C4orf36: variants seen among roughly 807,000 people sequenced by gnomAD.
The protein encoded by C4orf36 is uncharacterized protein C4orf36.
In C4orf36, 11 loss-of-function variants were observed where a neutral mutation model predicts 12.2. The observed-to-expected ratio is 0.90, with a 90% confidence interval of 0.57 to 1.49. C4orf36 has a LOEUF of 1.49. C4orf36 is among the 40% of genes most tolerant of loss of function. The probability of loss-of-function intolerance (pLI) is 0.00; values close to 1 mark genes in which losing one functional copy is unlikely to be tolerated. For synonymous variants in C4orf36, 54 were observed against 51.3 expected, an observed-to-expected ratio of 1.05 and a Z score of -0.22; for missense variants, 137 against 133.9, an observed-to-expected ratio of 1.02 and a Z score of -0.11.
At chr4:86,931,208 A>G in the C4orf36 span, among the ~76,000 whole-genome samples, 47 of 152,128 alleles carry the variant, frequency 3.1e-4, no homozygotes, top group African/African-American at 1.0e-3. Context: ...TGCCCCCCTC[A>G]TAATCTTTGC....
chr4:86,920,247 T>G, the C4orf36 span, among the ~76,000 whole-genome samples: 2 of 152,162 alleles, frequency 1.3e-5, no homozygotes, highest in Non-Finnish European at 2.9e-5. Context: ...CCACCAATAT[T>G]CTAATCATGG....
At chr4:86,887,143 T>C (rs1747207126) in intron 4 of C4orf36, 1 of 152,050 alleles carries the variant, frequency 6.6e-6, no homozygotes, top group African/African-American at 2.4e-5. Context: ...GGGATAGCAT[T>C]AGGAGATATA....
At chr4:86,876,741 T>C (rs1275319515) in intron 4 of C4orf36, 2 of 1,522,982 alleles carry the variant, frequency 1.3e-6, no homozygotes, top group East Asian at 2.3e-5. Context: ...TCTCTGGCTG[T>C]TGCATCCAAG....
In C4orf36 at chr4:86,876,404, G is replaced by T; in HGVS notation, c.*42C>A. 1 of 1,611,362 alleles carries T rather than the reference G, an allele frequency of 6.2e-7. No individual in the cohort carries two copies. The highest frequency in any genetic ancestry group is 8.5e-7 in the Non-Finnish European group (1 of 1,178,936). ...CGGCCCAGGAGAAGCAGTTCCCGCC[G>T]GCGCTGCTGAGTTTCTTCATCTACA... On this transcript the variant is annotated 3_prime_UTR_variant, in exon 5 of 5. Transcript: ENST00000295898.
At chr4:86,892,770 G>C (rs549604352), upstream of C4orf36, among the ~76,000 whole-genome samples, 1 of 152,368 alleles carries the variant, frequency 6.6e-6, no homozygotes, top group Non-Finnish European at 1.5e-5. Flanking sequence ...AAGGCAGTGA[G>C]CTCAAAGCCC....
At chr4:86,915,932 A>G in the C4orf36 span, among the ~76,000 whole-genome samples, 7 of 152,220 alleles carry the variant, frequency 4.6e-5, no homozygotes, top group African/African-American at 1.7e-4. Context: ...ACCGGAAGCT[A>G]GGAAGAGGGA....
chr4:86,892,564 C>T (rs6843070), upstream of C4orf36: 352,950 of 677,486 alleles, frequency 0.52, 94,696 homozygotes, highest in South Asian at 0.69. Context: ...GCCGCGCTCT[C>T]GGAATCCAGC....
the C4orf36 span, among the ~76,000 whole-genome samples, chr4:86,902,811 GTTTA>G: frequency 6.6e-6 from 1 of 152,004 alleles, no homozygotes; most frequent in Admixed American, 6.6e-5. Context: ...AGTTTATTAT[GTTTA>G]TTGTTTTGAT....
chr4:86,890,016 C>A, intron 2 of C4orf36: 2 of 452,672 alleles, frequency 4.4e-6, no homozygotes, highest in South Asian at 1.6e-5. Context: ...CAAAGTGAGA[C>A]CCCATCTCTA....
At chr4:86,878,778 A>G (rs28716151) in intron 4 of C4orf36, among the ~76,000 whole-genome samples, 49,662 of 152,146 alleles carry the variant, frequency 0.33, 8,552 homozygotes, top group Non-Finnish European at 0.37. Context: ...TTGGATGCCA[A>G]GTTGGGGGGC....
chr4:86,884,357 T>A (rs1013141177), intron 4 of C4orf36, among the ~76,000 whole-genome samples: 1 of 146,240 alleles, frequency 6.8e-6, no homozygotes, highest in African/African-American at 2.5e-5. Context: ...TTGGCTGGAG[T>A]GCAGTGGCAT....
At chr4:86,927,455 T>C in the C4orf36 span, among the ~76,000 whole-genome samples, 1 of 152,122 alleles carries the variant, frequency 6.6e-6, no homozygotes, top group Non-Finnish European at 1.5e-5. Context: ...AGCTTTCCAG[T>C]AGAGCAAAAT....
chr4:86,888,206 A>T lies in C4orf36; in HGVS notation c.135T>A (p.Pro45=). ...CACCAAATGAAATTTCTTCCAAGAAAGGCAACTTGATATTGGCTAGGTTTG... is the reference window on the plus strand; with the variant it reads ...CACCAAATGAAATTTCTTCCAAGAATGGCAACTTGATATTGGCTAGGTTTG... ...WSTNLANIKL[P]FLEEISFGGS... is the part of the protein sequence containing the mutation. Residue 45 remains proline, a synonymous_variant, in exon 3 of 5, where the codon CCT becomes CCA. Coordinates refer to ENST00000295898, the MANE Select transcript of C4orf36 (RefSeq NM_144645.4). 6.2e-7 allele frequency: 1 copy of T among 1,614,198 alleles called. No homozygotes were observed. The highest frequency in any genetic ancestry group is 8.5e-7 in the Non-Finnish European group (1 of 1,180,010).
At position 86,887,879 on chromosome 4, in the gene C4orf36, T is replaced by TA; in HGVS notation, c.234_235insT (p.Arg79Ter). On this transcript the variant is annotated frameshift_variant, in exon 4 of 5. Transcript: ENST00000295898. LOFTEE classifies it high-confidence loss of function. ...CAAAGACGCTTCACTTCATACTCCC[T>TA]TTCGAGTTTGATAGCTGAAAAAGAA... is the stretch of plus-strand genomic sequence containing the variant. The TA allele has an allele frequency of 6.2e-7, 1 of 1,614,082 alleles. No individual in the cohort carries two copies. The highest frequency in any genetic ancestry group is 8.5e-7 in the Non-Finnish European group (1 of 1,180,004).
the C4orf36 span, among the ~76,000 whole-genome samples, chr4:86,899,091 A>G: frequency 1.3e-5 from 2 of 152,192 alleles, no homozygotes. Flanking sequence ...ACCCTGTCTC[A>G]AAAATAAATA....
At chr4:86,933,616 A>G in the C4orf36 span, 2 of 152,260 alleles carry the variant, frequency 1.3e-5, no homozygotes, top group East Asian at 1.9e-4. Context: ...TTCAGATTAT[A>G]AAATATTACC....
At chr4:86,880,664 A>G (rs1039119506) in intron 4 of C4orf36, among the ~76,000 whole-genome samples, 7 of 152,252 alleles carry the variant, frequency 4.6e-5, no homozygotes, top group African/African-American at 1.7e-4. Context: ...AGACTCCTTC[A>G]AGTTGAAACA....
At chr4:86,920,525 C>G in the C4orf36 span, among the ~76,000 whole-genome samples, 1 of 152,208 alleles carries the variant, frequency 6.6e-6, no homozygotes, top group Non-Finnish European at 1.5e-5. Flanking sequence ...ATGCCACAAA[C>G]TAGATCATTT....
At chr4:86,876,560 T>A in intron 4 of C4orf36, 117 bp from the exon 5 acceptor site, 1 of 1,614,004 alleles carries the variant, frequency 6.2e-7, no homozygotes, top group Non-Finnish European at 8.5e-7. Flanking sequence ...TACAAGGACC[T>A]TTAGCCCATC....
Sources: gnomAD v4.1 joint callset for allele counts (sites outside exome capture counted in the v4.1 genomes callset) on GRCh38, gnomAD v4.1.1 for gene constraint, MANE v1.5 for transcripts, NCBI Gene and HGNC (gene_info 2026-07-23, HGNC 2026-07-21) for gene names.